SPHKAP: variants seen among roughly 807,000 people sequenced by gnomAD.
SPHKAP encodes the protein SPHK1 interactor, AKAP domain containing, also known as A-kinase anchor protein SPHKAP.
In SPHKAP, 67 loss-of-function variants were observed where a neutral mutation model predicts 137.5. That is an observed-to-expected ratio of 0.49 (90% CI 0.40 to 0.60). The LOEUF (loss-of-function observed/expected upper bound fraction) is 0.60. Among genes scored for constraint, SPHKAP ranks in the 20% least tolerant of loss-of-function variants. SPHKAP has a pLI of 0.00. For missense variants in SPHKAP, 2,097 were observed against 2,069.3 expected, an observed-to-expected ratio of 1.01 and a Z score of -0.26; for synonymous variants, 813 against 785.3, an observed-to-expected ratio of 1.04 and a Z score of -0.59.
Position 228,018,961 on chromosome 2 carries a change from A to G in SPHKAP, c.1893T>C (p.Asn631=). 1 of 1,614,124 alleles carries G rather than the reference A, an allele frequency of 6.2e-7. No individual in the cohort carries two copies. The highest frequency in any genetic ancestry group is 8.5e-7 in the Non-Finnish European group (1 of 1,179,994). The part of the protein sequence containing the change: ...KEAALVLTRP[N]TYSSIGDFLD... ...GAAAGTCTCCAATGCTGCTGTAGGT[A>G]TTAGGCCTTGTTAAAACCAGAGCAG... The change falls in exon 7 of 12, where the codon AAT becomes AAC. Residue 631 remains asparagine (N), a synonymous_variant. Coordinates refer to ENST00000392056, the MANE Select transcript of SPHKAP (RefSeq NM_001142644.2).
chr2:227,993,532 A>T lies in SPHKAP; in HGVS notation c.4721+2T>A. ...AATCACTGCATCTCAGTGGCTACTT[A>T]CTTAATCATGGGAGAAGATGGCATG... On this transcript the variant is annotated splice_donor_variant, in intron 9 of 11. Transcript: ENST00000392056. LOFTEE classifies it high-confidence loss of function. The T allele has an allele frequency of 1.9e-6, 3 of 1,597,842 alleles. No individual in the cohort carries two copies. The highest frequency in any genetic ancestry group is 2.6e-6 in the Non-Finnish European group (3 of 1,171,900).
chr2:228,105,169 A>G (rs1018500819), intron 3 of SPHKAP, among the ~76,000 whole-genome samples: 1 of 152,076 alleles, frequency 6.6e-6, no homozygotes, highest in African/African-American at 2.4e-5. Context: ...GGATCTCACT[A>G]TGTCACCAAA....
rs766794048 is a variant in SPHKAP, at chr2:228,019,692, T to G, written c.1162A>C (p.Thr388Pro). The part of the protein sequence containing the change: ...LPPRQDGEVT[T>P]GKYATNLAES... ...GCTAAATTTGTAGCATACTTGCCAG[T>G]GGTGACTTCTCCATCTTGTCTAGGA... The change falls in exon 7 of 12, where the codon ACT becomes CCT. Residue 388 changes from threonine (T) to proline (P), a missense_variant. By Grantham distance (38) the Thr-to-Pro change is conservative. Coordinates refer to ENST00000392056, the MANE Select transcript of SPHKAP (RefSeq NM_001142644.2). 2.5e-6 allele frequency: 4 copies of G among 1,614,094 alleles called. No homozygotes were observed. In the South Asian group the frequency reaches 4.4e-5, roughly 18 times the overall value.
At chr2:228,150,703 G>T (rs1356788029) in intron 1 of SPHKAP, among the ~76,000 whole-genome samples, 5 of 150,978 alleles carry the variant, frequency 3.3e-5, no homozygotes, top group African/African-American at 1.2e-4. Context: ...TTGTCAATTT[G>T]ATTTGTATTT....
chr2:228,146,540 A>G (rs748244221), intron 1 of SPHKAP, among the ~76,000 whole-genome samples: 15 of 152,090 alleles, frequency 9.9e-5, no homozygotes, highest in African/African-American at 2.2e-4. Flanking sequence ...CCAGCACCCA[A>G]TAGTTATTTT....
At position 228,151,078 on chromosome 2, in the gene SPHKAP, C is replaced by A. The variant is rs1202122866; in HGVS notation, c.33-18993G>T. On this transcript the variant is annotated intron_variant, in intron 1 of 11. Coordinates refer to ENST00000392056, the MANE Select transcript of SPHKAP (RefSeq NM_001142644.2). ...AGGTATATCTCCTAATGCTATCCCT[C>A]CCCGCTCCCCCCACCCCACCACAGT... 3.6e-5 allele frequency among the ~76,000 whole-genome samples: 5 copies of A among 137,898 alleles called. No individual in the cohort carries two copies. The Admixed American group carries it at 4.1e-4, about 11-fold the overall frequency. 90.5% of individuals were successfully genotyped at this position (137,898 alleles called of 152,430 possible).
intron 1 of SPHKAP, among the ~76,000 whole-genome samples, chr2:228,132,938 A>T (rs1699305679): frequency 6.6e-6 from 1 of 151,872 alleles, no homozygotes; most frequent in African/African-American, 2.4e-5. Context: ...CGGGAGGTGG[A>T]GGTTGCAGTG....
intron 3 of SPHKAP, among the ~76,000 whole-genome samples, chr2:228,076,613 G>A (rs1432682572): frequency 6.6e-6 from 1 of 152,192 alleles, no homozygotes; most frequent in Non-Finnish European, 1.5e-5. Context: ...ACTTGAGGGA[G>A]ATGATTTAGG....
chr2:228,128,492 C>T (rs1699145533), intron 2 of SPHKAP, among the ~76,000 whole-genome samples: 1 of 152,100 alleles, frequency 6.6e-6, no homozygotes, highest in Non-Finnish European at 1.5e-5. Flanking sequence ...AATCAACTTT[C>T]AAACTCATGT....
At chr2:228,012,324 G>A (rs1694419249) in intron 7 of SPHKAP, among the ~76,000 whole-genome samples, 2 of 151,906 alleles carry the variant, frequency 1.3e-5, no homozygotes, top group South Asian at 4.2e-4. Flanking sequence ...ATACCTAAAA[G>A]GATGTTTATT....
At chr2:227,999,632 T>C (rs1693773135) in intron 7 of SPHKAP, among the ~76,000 whole-genome samples, 1 of 152,252 alleles carries the variant, frequency 6.6e-6, no homozygotes, top group South Asian at 2.1e-4. Context: ...AAAATGAGTC[T>C]GTCAGTGTAT....
chr2:228,032,200 G>GTC (rs1695357951), intron 3 of SPHKAP, among the ~76,000 whole-genome samples: 1 of 152,232 alleles, frequency 6.6e-6, no homozygotes, highest in Admixed American at 6.5e-5. Context: ...AGCTGATGGA[G>GTC]CTGAAAGCCA....
At chr2:228,073,647 C>T in intron 3 of SPHKAP, among the ~76,000 whole-genome samples, 1 of 152,164 alleles carries the variant, frequency 6.6e-6, no homozygotes, top group East Asian at 1.9e-4. Context: ...TGTGCTGCAA[C>T]CTTTTCCGAA....
intron 1 of SPHKAP, among the ~76,000 whole-genome samples, chr2:228,156,909 A>G (rs1386311301): frequency 6.6e-6 from 1 of 152,118 alleles, no homozygotes; most frequent in Non-Finnish European, 1.5e-5. Context: ...CTGTGAGTCA[A>G]TTAAACCTCT....
intron 1 of SPHKAP, among the ~76,000 whole-genome samples, chr2:228,152,923 G>A (rs930269062): frequency 6.6e-6 from 1 of 152,074 alleles, no homozygotes; most frequent in African/African-American, 2.4e-5. Flanking sequence ...TGTGGCAGGG[G>A]GGACCCAGTG....
At chr2:228,157,887 A>G (rs1224480874) in intron 1 of SPHKAP, among the ~76,000 whole-genome samples, 1 of 152,198 alleles carries the variant, frequency 6.6e-6, no homozygotes. Context: ...AAGAAAAAAA[A>G]ATGTCACCAA....
intron 7 of SPHKAP, among the ~76,000 whole-genome samples, chr2:228,001,404 CATAA>C (rs1434364818): frequency 2.1e-4 from 29 of 136,560 alleles, no homozygotes; most frequent in Non-Finnish European, 3.6e-4. Context: ...AATATATATA[CATAA>C]ATATATATAA....
At position 228,042,050 on chromosome 2, in the gene SPHKAP, G is replaced by T. The variant is rs568624535; in HGVS notation, c.247-14507C>A. ...TGGAAATTAAAGGGCCCAAGTAGGA[G>T]AGAGCAGAAGAAAAAGAAACAAACA... On this transcript the variant is annotated intron_variant, in intron 3 of 11. Coordinates refer to ENST00000392056, the MANE Select transcript of SPHKAP (RefSeq NM_001142644.2). 2.5e-3 allele frequency among the ~76,000 whole-genome samples: 383 copies of T among 152,212 alleles called. 1 individual carries two copies. The highest frequency in any genetic ancestry group is 8.7e-3 in the African/African-American group (362 of 41,528).
At chr2:228,042,271 C>G (rs10183972) in intron 3 of SPHKAP, among the ~76,000 whole-genome samples, 58,045 of 151,950 alleles carry the variant, frequency 0.38, 11,541 homozygotes, top group South Asian at 0.51. Flanking sequence ...TATGTTCCTG[C>G]GCTCTGAACC....
Sources: allele counts gnomAD v4.1 joint callset (sites outside exome capture counted in the v4.1 genomes callset), GRCh38; gene constraint gnomAD v4.1.1; transcripts MANE v1.5; gene names NCBI Gene and HGNC (gene_info 2026-07-23, HGNC 2026-07-21).